HPCAL1: variants seen among roughly 807,000 people sequenced by gnomAD.
The protein encoded by HPCAL1 is hippocalcin-like protein 1.
A neutral mutation model predicts 17.1 loss-of-function variants in HPCAL1; 8 were observed. The ratio of observed to expected loss-of-function variants is 0.47; its 90% confidence interval spans 0.27 to 0.84. HPCAL1 has a LOEUF of 0.84. HPCAL1 is among the 40% of genes least tolerant of loss of function. The pLI is 0.13. For synonymous variants in HPCAL1, 112 were observed against 111.4 expected, an observed-to-expected ratio of 1.01 and a Z score of -0.03; for missense variants, 165 against 271.1, an observed-to-expected ratio of 0.61 and a Z score of 2.75.
chr2:10,338,463 A>G (rs1264955264), intron 1 of HPCAL1, among the ~76,000 whole-genome samples: 1 of 152,166 alleles, frequency 6.6e-6, no homozygotes, highest in Non-Finnish European at 1.5e-5. Context: ...CCATCTGTGA[A>G]GTAGGGATCA....
At chr2:10,424,384 C>A in intron 4 of HPCAL1, 1 of 416,230 alleles carries the variant, frequency 2.4e-6, no homozygotes, top group Admixed American at 2.5e-5. Flanking sequence ...CACCTGCTGC[C>A]GCTCTCCTGA....
Position 10,323,024 on chromosome 2 carries a change from C to T in HPCAL1, c.-111+19847C>T, listed in dbSNP as rs74389563. 3.0e-4 allele frequency among the ~76,000 whole-genome samples: 45 copies of T among 152,260 alleles called. No individual in the cohort carries two copies. The East Asian group carries it at 8.5e-3, about 29-fold the overall frequency. On this transcript the variant is annotated intron_variant, in intron 1 of 4. Transcript: ENST00000307845. The surrounding 1 kb of genome is among the most constrained non-coding windows in gnomAD (Gnocchi z 4.6). Reference sequence around the variant, plus strand: ...GCCCCCTTCTGCTTTCCTGTCCCTCCATCGTGTTAAGCTGGTCTCTCAGGT... The same window carrying T: ...GCCCCCTTCTGCTTTCCTGTCCCTCTATCGTGTTAAGCTGGTCTCTCAGGT...
In HPCAL1 at chr2:10,309,776, T is replaced by C. The variant is rs577933378; in HGVS notation, c.-111+6599T>C. Among the ~76,000 whole-genome samples the C allele has an allele frequency of 3.3e-5, 5 of 152,304 alleles. No homozygotes were observed. The East Asian group carries it at 9.6e-4, about 29-fold the overall frequency. ...ATTTCTCACCTTGGATCATTTTCAC[T>C]CTTTGAGGAAGAGAGCAGAGGATGA... On this transcript the variant is annotated intron_variant, in intron 1 of 4. Transcript: ENST00000307845.
intron 1 of HPCAL1, among the ~76,000 whole-genome samples, chr2:10,381,983 G>A (rs755246188): frequency 3.3e-5 from 5 of 152,202 alleles, no homozygotes; most frequent in Admixed American, 2.6e-4. Context: ...TGTTCATAGC[G>A]ACTTTATTCA....
intron 1 of HPCAL1, among the ~76,000 whole-genome samples, chr2:10,333,664 C>T (rs1444380933): frequency 6.6e-6 from 1 of 152,174 alleles, no homozygotes; most frequent in Admixed American, 6.5e-5. Flanking sequence ...TATTTCTTTA[C>T]CCAAATATTC....
At chr2:10,388,774 G>A (rs1201838130) in intron 1 of HPCAL1, among the ~76,000 whole-genome samples, 2 of 152,252 alleles carry the variant, frequency 1.3e-5, no homozygotes, top group Admixed American at 1.3e-4. Context: ...AGCTGTGAGT[G>A]CCTCGTCAGT....
Position 10,304,006 on chromosome 2 carries a change from G to T in HPCAL1, c.-111+829G>T, listed in dbSNP as rs1662446397. 6.6e-6 allele frequency: 1 copy of T among 152,034 alleles called. No individual in the cohort carries two copies. Among genetic ancestry groups the T allele is most frequent in the Non-Finnish European group, 1.5e-5 (1 of 68,006 alleles). 9.4% of individuals were successfully genotyped at this position (152,034 alleles called of 1,614,324 possible). On this transcript the variant is annotated intron_variant, in intron 1 of 4. Transcript: ENST00000307845. This position sits in a 1 kb window ranked among gnomAD's most constrained non-coding sequence, Gnocchi z 4.1. ...AAATCCTTTTTTTTTCCCCTTTATC[G>T]TGGGTGGGGCCTTACATTTTCCCCG... is the stretch of plus-strand genomic sequence containing the variant.
In HPCAL1 at chr2:10,327,804, G is replaced by A. The variant is rs530439277; in HGVS notation, c.-111+24627G>A. 2.8e-3 allele frequency among the ~76,000 whole-genome samples: 433 copies of A among 152,322 alleles called. 4 individuals are homozygous for A. Among genetic ancestry groups the A allele is most frequent in the Non-Finnish European group, 4.6e-3 (311 of 68,022 alleles). ...GAGTGGAGTTATTTAGAGCCAAACT[G>A]TAGGGGACTGAATTCTCTGTGTAGC... On this transcript the variant is annotated intron_variant, in intron 1 of 4. Coordinates refer to ENST00000307845, the MANE Select transcript of HPCAL1 (RefSeq NM_002149.4).
chr2:10,370,895 AG>A (rs1314188233), intron 1 of HPCAL1, among the ~76,000 whole-genome samples: 1 of 152,164 alleles, frequency 6.6e-6, no homozygotes, highest in African/African-American at 2.4e-5. Flanking sequence ...CTCCAAGCTA[AG>A]GGGGCCCACC....
intron 1 of HPCAL1, among the ~76,000 whole-genome samples, chr2:10,345,276 G>C (rs1357337090): frequency 6.6e-6 from 1 of 152,060 alleles, no homozygotes; most frequent in African/African-American, 2.4e-5. Flanking sequence ...TTTTTCCCAG[G>C]AGTGATAATA....
intron 1 of HPCAL1, among the ~76,000 whole-genome samples, chr2:10,347,094 A>G (rs1034669596): frequency 3.3e-5 from 5 of 151,880 alleles, no homozygotes; most frequent in Admixed American, 3.3e-4. Flanking sequence ...GTCTCTAGAG[A>G]GCCCCGCACC....
At chr2:10,421,556 C>T (rs529765950) in intron 3 of HPCAL1, among the ~76,000 whole-genome samples, 1 of 152,122 alleles carries the variant, frequency 6.6e-6, no homozygotes, top group Admixed American at 6.5e-5. Flanking sequence ...AAAAGAGTAG[C>T]AGGGCATAGT....
At position 10,303,089 on chromosome 2, in the gene HPCAL1, C is replaced by T. The variant is rs1289246859; in HGVS notation, c.-199C>T. ...CTCCTCCCGGCCTCGGCGCGCTTGTCCCGGGCAGCGGCCCGGGCCCGCTGC... is the reference window on the plus strand; with the variant it reads ...CTCCTCCCGGCCTCGGCGCGCTTGTTCCGGGCAGCGGCCCGGGCCCGCTGC... On this transcript the variant is annotated 5_prime_UTR_variant, in exon 1 of 5. Transcript: ENST00000307845. The T allele has an allele frequency of 2.0e-5, 3 of 151,898 alleles. No individual in the cohort carries two copies. Among genetic ancestry groups the T allele is most frequent in the Non-Finnish European group, 2.9e-5 (2 of 67,946 alleles). 9.4% of individuals were successfully genotyped at this position (151,898 alleles called of 1,614,324 possible).
At chr2:10,326,664 C>A (rs1029430560) in intron 1 of HPCAL1, among the ~76,000 whole-genome samples, 3 of 152,198 alleles carry the variant, frequency 2.0e-5, no homozygotes, top group African/African-American at 7.2e-5. Context: ...ACCTGCTGAG[C>A]CCCTTGCATG....
intron 1 of HPCAL1, among the ~76,000 whole-genome samples, chr2:10,311,348 C>T (rs1572610581): frequency 6.6e-6 from 1 of 152,318 alleles, no homozygotes; most frequent in Middle Eastern, 3.4e-3. Flanking sequence ...AAGGTAGACG[C>T]AGGGCTCTGG....
intron 1 of HPCAL1, among the ~76,000 whole-genome samples, chr2:10,388,326 G>C (rs1668459760): frequency 6.6e-6 from 1 of 152,216 alleles, no homozygotes; most frequent in African/African-American, 2.4e-5. Context: ...CTCAGATGCT[G>C]CCTGAGAAGG....
chr2:10,339,808 G>A (rs991276038), intron 1 of HPCAL1, among the ~76,000 whole-genome samples: 3 of 152,230 alleles, frequency 2.0e-5, no homozygotes, highest in African/African-American at 4.8e-5. Flanking sequence ...CCGGCAGGAC[G>A]TAGCAACAGG....
chr2:10,377,742 G>A lies in HPCAL1; in HGVS notation c.-110-19093G>A, dbSNP rs1667666321. Among the ~76,000 whole-genome samples the A allele has an allele frequency of 6.6e-6, 1 of 152,066 alleles. No individual in the cohort carries two copies. Among genetic ancestry groups the A allele is most frequent in the Non-Finnish European group, 1.5e-5 (1 of 68,018 alleles). ...AAAGGTTATGAGGGTGTTCTCTTGAGGAACTGAGTCCAGTGTGAACAGTGA... is the reference window on the plus strand; with the variant it reads ...AAAGGTTATGAGGGTGTTCTCTTGAAGAACTGAGTCCAGTGTGAACAGTGA... On this transcript the variant is annotated intron_variant, in intron 1 of 4. Transcript: ENST00000307845. The surrounding 1 kb of genome is among the most constrained non-coding windows in gnomAD (Gnocchi z 5.9).
intron 2 of HPCAL1, among the ~76,000 whole-genome samples, chr2:10,416,248 C>T (rs1190295051): frequency 2.6e-5 from 4 of 152,190 alleles, no homozygotes; most frequent in African/African-American, 4.8e-5. Context: ...ATCTTTTAGG[C>T]GGGCCATGAT....
Sources: gnomAD v4.1 joint callset for allele counts (sites outside exome capture counted in the v4.1 genomes callset) on GRCh38, gnomAD v4.1.1 for gene constraint, Gnocchi (gnomAD v3.1) non-coding constraint, MANE v1.5 for transcripts, NCBI Gene and HGNC (gene_info 2026-07-23, HGNC 2026-07-21) for gene names.